Variants in WDR27 observed in about 807,000 individuals in gnomAD.
WDR27 encodes the protein WD repeat-containing protein 27.
In WDR27, 100 loss-of-function variants were observed where a neutral mutation model predicts 114.4. The ratio of observed to expected loss-of-function variants is 0.87; its 90% CI spans 0.74 to 1.03. The LOEUF is 1.03. Among genes scored for constraint, WDR27 ranks in the 50% least tolerant of loss-of-function variants. The pLI is 0.00. For missense variants in WDR27, 1,129 were observed against 1,092.9 expected, an observed-to-expected ratio of 1.03 and a Z score of -0.47; for synonymous variants, 449 against 423.1, an observed-to-expected ratio of 1.06 and a Z score of -0.75.
chr6:169,520,875 A>G (rs1335863540), intron 25 of WDR27, among the ~76,000 whole-genome samples: 1 of 152,210 alleles, frequency 6.6e-6, no homozygotes, highest in East Asian at 1.9e-4. Flanking sequence ...AAGAATGCCT[A>G]TAAGACATGG....
chr6:169,457,512 TG>T lies in WDR27; in HGVS notation c.*79del, dbSNP rs1319920359. On this transcript the variant is annotated 3_prime_UTR_variant, in exon 26 of 26. Coordinates refer to ENST00000448612, the MANE Select transcript of WDR27 (RefSeq NM_182552.5). ...ACAGTTGCTGCTTCTGGCCCCCTGA[TG>T]GATGAACCACTACTTCTTACTTTTA... The T allele has an allele frequency of 9.9e-5, 127 of 1,277,776 alleles. 1 individual carries two copies. In the African/African-American group the frequency reaches 1.7e-3, roughly 17 times the overall value. The allele number at this position is 1,277,776 out of a possible 1,614,324, so 79.2% of individuals were successfully genotyped here. A position where few individuals can be genotyped will look rare whatever the true frequency, so the allele number is the denominator to read the frequency against.
At chr6:169,620,115 A>G (rs75128525) in intron 21 of WDR27, among the ~76,000 whole-genome samples, 3,395 of 152,232 alleles carry the variant, frequency 0.022, 75 homozygotes, top group East Asian at 0.089. Context: ...AGACCCCTTA[A>G]TCAGAGCCTA....
intron 2 of WDR27, among the ~76,000 whole-genome samples, chr6:169,680,507 G>A (rs1260388029): frequency 4.6e-5 from 7 of 152,292 alleles, no homozygotes; most frequent in East Asian, 3.9e-4. Flanking sequence ...ACGTGAACCC[G>A]GGAGGCGGAG....
chr6:169,617,163 G>A (rs771703305), intron 21 of WDR27, among the ~76,000 whole-genome samples: 2 of 152,132 alleles, frequency 1.3e-5, no homozygotes, highest in Admixed American at 6.5e-5. Flanking sequence ...GTTTAGGAGC[G>A]AAGATTTCAT....
intron 24 of WDR27, among the ~76,000 whole-genome samples, 193 bp from the exon 25 acceptor site, chr6:169,572,733 CT>C (rs1292411533): frequency 6.6e-6 from 1 of 152,054 alleles, no homozygotes; most frequent in Non-Finnish European, 1.5e-5. Context: ...AGAGGAAACA[CT>C]TTGAGAAGCA....
In WDR27 at chr6:169,480,319, C is replaced by T. The variant is rs965762954; in HGVS notation, c.2646-22685G>A. Among the ~76,000 whole-genome samples the T allele has an allele frequency of 5.9e-5, 9 of 152,186 alleles. 1 individual carries two copies. Among genetic ancestry groups the T allele is most frequent in the African/African-American group, 2.2e-4 (9 of 41,466 alleles). On this transcript the variant is annotated intron_variant, in intron 25 of 25. Coordinates refer to ENST00000448612, the MANE Select transcript of WDR27 (RefSeq NM_182552.5). Reference sequence around the variant, plus strand: ...GCAGCCTGACATGCCCGAGCCCCACCCCTGCCACTCCCGTGAGCTCCCACG... The same window carrying T: ...GCAGCCTGACATGCCCGAGCCCCACTCCTGCCACTCCCGTGAGCTCCCACG...
chr6:169,524,569 G>A (rs1562531284), intron 25 of WDR27, among the ~76,000 whole-genome samples: 1 of 152,082 alleles, frequency 6.6e-6, no homozygotes, highest in Non-Finnish European at 1.5e-5. Flanking sequence ...GCATTGAACT[G>A]GCATAACAAC....
rs76243378 is a variant in WDR27, at chr6:169,542,134, C to T, written c.2645+30285G>A. On this transcript the variant is annotated intron_variant, in intron 25 of 25. Coordinates refer to ENST00000448612, the MANE Select transcript of WDR27 (RefSeq NM_182552.5). ...GTTTAAGGAGGTAAAAATGTATATG[C>T]AAAAATGCCGAATTTTATCAACGAA... Among the ~76,000 whole-genome samples, 706 of 152,038 alleles carry T rather than the reference C, an allele frequency of 4.6e-3. 2 individuals carry two copies. Among genetic ancestry groups the T allele is most frequent in the Non-Finnish European group, 6.4e-3 (438 of 67,932 alleles).
chr6:169,619,946 G>A (rs1040809005), intron 21 of WDR27, among the ~76,000 whole-genome samples: 4 of 152,162 alleles, frequency 2.6e-5, no homozygotes, highest in African/African-American at 9.7e-5. Context: ...GGGCCATTTC[G>A]ACATATGGCA....
intron 25 of WDR27, among the ~76,000 whole-genome samples, chr6:169,510,124 G>A (rs1251434107): frequency 6.6e-6 from 1 of 152,152 alleles, no homozygotes; most frequent in Non-Finnish European, 1.5e-5. Flanking sequence ...TAAAAAGTCA[G>A]GAAACAACAG....
chr6:169,565,762 AC>A (rs1800360849), intron 25 of WDR27, among the ~76,000 whole-genome samples: 1 of 152,108 alleles, frequency 6.6e-6, no homozygotes, highest in African/African-American at 2.4e-5. Flanking sequence ...TGCAGCATCG[AC>A]CTCCCAGGCT....
At chr6:169,683,358 G>C (rs959744135) in intron 2 of WDR27, among the ~76,000 whole-genome samples, 1 of 152,030 alleles carries the variant, frequency 6.6e-6, no homozygotes, top group Admixed American at 6.6e-5. Flanking sequence ...CCTGGCAGCA[G>C]ACTGTTCAGC....
chr6:169,677,227 G>C (rs74838157), intron 2 of WDR27, among the ~76,000 whole-genome samples: 1 of 152,172 alleles, frequency 6.6e-6, no homozygotes, highest in Admixed American at 6.5e-5. Flanking sequence ...GGTAAAGACA[G>C]TGAAGTCTAG....
intron 16 of WDR27, 181 bp downstream of exon 16, chr6:169,647,590 TAC>T: frequency 1.5e-6 from 1 of 685,422 alleles, no homozygotes; most frequent in Non-Finnish European, 2.6e-6. Context: ...TCACCCTCAC[TAC>T]AGTCGAGTGA....
At chr6:169,590,303 G>A (rs1805493834) in intron 23 of WDR27, among the ~76,000 whole-genome samples, 1 of 152,188 alleles carries the variant, frequency 6.6e-6, no homozygotes, top group South Asian at 2.1e-4. Context: ...CTTGACAATG[G>A]TAGTGATATT....
intron 25 of WDR27, among the ~76,000 whole-genome samples, chr6:169,545,230 A>G (rs1797315749): frequency 6.6e-6 from 1 of 152,066 alleles, no homozygotes; most frequent in Non-Finnish European, 1.5e-5. Context: ...CAGGATAGAG[A>G]ATGAAGAAAC....
At position 169,701,981 on chromosome 6, in the gene WDR27, C is replaced by T; in HGVS notation, c.-438G>A. On this transcript the variant is annotated 5_prime_UTR_variant, in exon 1 of 26. Transcript: ENST00000448612. ...CTACCGAGCCACACTCCGCCCCACG[C>T]TCGCCGCTATGGTTACTTGCCAGCC... 5.0e-6 allele frequency: 2 copies of T among 400,034 alleles called. No homozygotes were observed. Among genetic ancestry groups the T allele is most frequent in the Non-Finnish European group, 1.0e-5 (2 of 196,720 alleles). The allele number at this position is 400,034 out of a possible 1,614,324, so 24.8% of individuals were successfully genotyped here.
At chr6:169,651,021 G>A (rs1258670809) in intron 14 of WDR27, among the ~76,000 whole-genome samples, 1 of 152,006 alleles carries the variant, frequency 6.6e-6, no homozygotes, top group African/African-American at 2.4e-5. Context: ...TGGAAGATGT[G>A]TTTACACAGA....
At chr6:169,699,907 C>T (rs562662266) in intron 1 of WDR27, among the ~76,000 whole-genome samples, 3 of 152,118 alleles carry the variant, frequency 2.0e-5, no homozygotes, top group Non-Finnish European at 2.9e-5. Flanking sequence ...GTTTGAGCCA[C>T]GGAGGTTGAA....
Sources: allele counts gnomAD v4.1 joint callset (sites outside exome capture counted in the v4.1 genomes callset), GRCh38; gene constraint gnomAD v4.1.1; transcripts MANE v1.5; gene names NCBI Gene and HGNC (gene_info 2026-07-23, HGNC 2026-07-21).